SAMMSON: variants seen among roughly 807,000 people sequenced by gnomAD.
SAMMSON encodes the protein survival associated mitochondrial melanoma specific oncogenic non-coding RNA, also known as long intergenic non-protein coding RNA 1212.
intron 7 of SAMMSON, among the ~76,000 whole-genome samples, chr3:70,351,580 G>A (rs558527982): frequency 6.6e-6 from 1 of 152,072 alleles, no homozygotes; most frequent in African/African-American, 2.4e-5. Context: ...AGAAATTATG[G>A]GAGTTGAGAA....
At chr3:70,257,969 A>G (rs1180028187) in intron 6 of SAMMSON, among the ~76,000 whole-genome samples, 1 of 152,236 alleles carries the variant, frequency 6.6e-6, no homozygotes, top group African/African-American at 2.4e-5. Flanking sequence ...TCGGAAATAA[A>G]GCTATGTAAC....
intron 7 of SAMMSON, among the ~76,000 whole-genome samples, chr3:70,334,700 C>A (rs920229681): frequency 1.3e-5 from 2 of 151,998 alleles, no homozygotes; most frequent in African/African-American, 4.8e-5. Flanking sequence ...AAATATGACT[C>A]CCTCATTTTT....
downstream of SAMMSON, among the ~76,000 whole-genome samples, chr3:70,392,503 C>G (rs1664510464): frequency 6.6e-6 from 1 of 152,066 alleles, no homozygotes; most frequent in Non-Finnish European, 1.5e-5. Flanking sequence ...GATTGCTCTG[C>G]TTATTTATAA....
chr3:70,281,877 T>G (rs1404659656), intron 6 of SAMMSON, among the ~76,000 whole-genome samples: 1 of 152,168 alleles, frequency 6.6e-6, no homozygotes, highest in Non-Finnish European at 1.5e-5. Context: ...TCATCATACC[T>G]TGGGTGAGGC....
intron 7 of SAMMSON, among the ~76,000 whole-genome samples, chr3:70,345,814 T>C (rs905617300): frequency 2.0e-5 from 3 of 152,208 alleles, no homozygotes; most frequent in Non-Finnish European, 2.9e-5. Context: ...TTCACATGGC[T>C]TGATAGCTTA....
intron 4 of SAMMSON, among the ~76,000 whole-genome samples, chr3:70,148,086 C>T (rs921666016): frequency 6.6e-6 from 1 of 152,052 alleles, no homozygotes; most frequent in African/African-American, 2.4e-5. Flanking sequence ...GATCAGATGC[C>T]ACTATACATT....
intron 4 of SAMMSON, among the ~76,000 whole-genome samples, chr3:70,215,168 A>G (rs1219351892): frequency 6.6e-6 from 1 of 152,138 alleles, no homozygotes; most frequent in Non-Finnish European, 1.5e-5. Flanking sequence ...TGAAGCTCAC[A>G]ACAGTTTTGC....
In SAMMSON at chr3:70,080,266, T is replaced by G. The variant is rs552622600; in HGVS notation, n.507+8701T>G. Among the ~76,000 whole-genome samples, 4 of 152,294 alleles carry G rather than the reference T, an allele frequency of 2.6e-5. No individual in the cohort carries two copies. In the South Asian group the frequency reaches 8.3e-4, roughly 32 times the overall value. ...CTCCTAAAATTTTATGGCTTAGCTG[T>G]TTCCCTCTTCTTACCCTAGTCTGGT... is the stretch of plus-strand genomic sequence containing the variant. On this transcript the variant is annotated intron_variant and non_coding_transcript_variant, in intron 4 of 9. Coordinates refer to ENST00000642114, the Ensembl canonical transcript of SAMMSON.
At chr3:70,307,301 A>G (rs1702411433) in intron 7 of SAMMSON, among the ~76,000 whole-genome samples, 1 of 152,176 alleles carries the variant, frequency 6.6e-6, no homozygotes, top group African/African-American at 2.4e-5. Flanking sequence ...ATCAGGAGAC[A>G]CTATAAGAAA....
intron 4 of SAMMSON, among the ~76,000 whole-genome samples, chr3:70,107,410 C>T (rs549555961): frequency 1.6e-4 from 24 of 152,012 alleles, no homozygotes; most frequent in African/African-American, 4.3e-4. Context: ...GGAGTGGTCT[C>T]GGTTTGGCTG....
chr3:70,375,931 A>G (rs1703010749), intron 9 of SAMMSON, among the ~76,000 whole-genome samples: 1 of 152,152 alleles, frequency 6.6e-6, no homozygotes, highest in Non-Finnish European at 1.5e-5. Flanking sequence ...TTACATTTAT[A>G]TCTTAGCTTC....
chr3:70,282,561 G>A lies in SAMMSON; in HGVS notation n.675-8618G>A, dbSNP rs557382569. On this transcript the variant is annotated intron_variant and non_coding_transcript_variant, in intron 6 of 9. Coordinates refer to ENST00000642114, the Ensembl canonical transcript of SAMMSON. Reference sequence around the variant, plus strand: ...ATTTTGTTGGCTTTGAACATTCCAAGCAGTCTCCTGAATCAGGAACTTTGC... The same window carrying A: ...ATTTTGTTGGCTTTGAACATTCCAAACAGTCTCCTGAATCAGGAACTTTGC... Among the ~76,000 whole-genome samples, 186 of 152,240 alleles carry A rather than the reference G, an allele frequency of 1.2e-3. 2 individuals carry two copies. Among genetic ancestry groups the A allele is most frequent in the Non-Finnish European group, 2.1e-4 (14 of 68,008 alleles).
chr3:70,111,985 A>G (rs1426274130), intron 4 of SAMMSON, among the ~76,000 whole-genome samples: 1 of 152,144 alleles, frequency 6.6e-6, no homozygotes, highest in Non-Finnish European at 1.5e-5. Context: ...AATTTGCTAG[A>G]TTTTTCCTGA....
intron 3 of SAMMSON, among the ~76,000 whole-genome samples, chr3:70,040,849 T>A (rs116496567): frequency 3.6e-4 from 55 of 152,214 alleles, no homozygotes; most frequent in African/African-American, 1.2e-3. Context: ...AATCAAAGTC[T>A]CTGGGACTGA....
At chr3:70,214,517 A>G (rs1195418338) in intron 4 of SAMMSON, among the ~76,000 whole-genome samples, 1 of 152,066 alleles carries the variant, frequency 6.6e-6, no homozygotes, top group Non-Finnish European at 1.5e-5. Flanking sequence ...AGAGTACAAA[A>G]GAACTGAGGG....
intron 3 of SAMMSON, chr3:70,014,549 T>C (rs1399477264): frequency 1.3e-5 from 2 of 152,228 alleles, no homozygotes; most frequent in African/African-American, 4.8e-5. Flanking sequence ...CAAATCCATA[T>C]GCATCGGATC....
intron 2 of SAMMSON, among the ~76,000 whole-genome samples, chr3:70,433,746 T>TC (rs979785827): frequency 7.2e-5 from 11 of 152,094 alleles, no homozygotes; most frequent in South Asian, 2.1e-4. Context: ...CACCTAGATT[T>TC]CCCCCCATGT....
chr3:70,333,284 G>A (rs1263526346), intron 7 of SAMMSON, among the ~76,000 whole-genome samples: 1 of 151,996 alleles, frequency 6.6e-6, no homozygotes, highest in Non-Finnish European at 1.5e-5. Flanking sequence ...ACCTGATCCT[G>A]CCAATGAGAT....
downstream of SAMMSON, among the ~76,000 whole-genome samples, chr3:70,391,592 T>C (rs1454971580): frequency 6.6e-6 from 1 of 152,166 alleles, no homozygotes; most frequent in Non-Finnish European, 1.5e-5. Flanking sequence ...ATAACCAATG[T>C]TTGATTGTCA....
Sources: allele counts gnomAD v4.1 joint callset (sites outside exome capture counted in the v4.1 genomes callset), GRCh38; gene constraint gnomAD v4.1.1; transcripts MANE v1.5; gene names NCBI Gene and HGNC (gene_info 2026-07-23, HGNC 2026-07-21).